Variants in RABGGTA observed in about 807,000 individuals in gnomAD.
RABGGTA encodes the protein Rab geranylgeranyltransferase subunit alpha.
RABGGTA carries 69 observed loss-of-function variants against 83.3 expected under a neutral mutation model. The ratio of observed to expected loss-of-function variants is 0.83; its 90% CI spans 0.68 to 1.01. The LOEUF (loss-of-function observed/expected upper bound fraction) is 1.01. Among genes scored for constraint, RABGGTA ranks in the 50% least tolerant of loss-of-function variants. The pLI, the probability that RABGGTA is intolerant of heterozygous loss-of-function variation, is 0.00. For missense variants in RABGGTA, 681 were observed against 712.7 expected, an observed-to-expected ratio of 0.96 and a Z score of 0.51; for synonymous variants, 310 against 299.8, an observed-to-expected ratio of 1.03 and a Z score of -0.35.
chr14:24,270,882 C>T lies in RABGGTA; in HGVS notation c.69G>A (p.Gln23=). The change falls in exon 3 of 17, where the codon CAG becomes CAA. Residue 23 remains glutamine (Q), a synonymous_variant. Coordinates refer to ENST00000216840, the MANE Select transcript of RABGGTA (RefSeq NM_182836.3). ...QAEAKRLERE[Q]KLKLYQSATQ... is the part of the protein sequence containing the mutation. ...TGGCTGACTGGTATAGCTTCAGCTT[C>T]TGCTCTCGCTCTAGCCTTTTGGCCT... The T allele has an allele frequency of 6.2e-7, 1 of 1,614,046 alleles. No individual in the cohort carries two copies. Among genetic ancestry groups the T allele is most frequent in the African/African-American group, 1.3e-5 (1 of 75,074 alleles).
chr14:24,268,604 C>T lies in RABGGTA; in HGVS notation c.916G>A (p.Ala306Thr). The change falls in exon 10 of 17, where the codon GCT (alanine) becomes ACT (threonine). Residue 306 changes from alanine to threonine, a missense_variant. By Grantham distance (58) the Ala-to-Thr change is moderately conservative. This residue lies in a region of RABGGTA where 421 missense variants were observed against 418.5 expected (regional missense o/e 1.01). Transcript: ENST00000216840. ...GGCAACTGGTCGTTGAGGGAGGCAG[C>T]AGGCAGGTCACAGAGCTGGGAGTAC... ...PSHVWLCDLP[A>T]ASLNDQLPQH... 6.2e-7 allele frequency: 1 copy of T among 1,613,946 alleles called. No individual in the cohort carries two copies. The highest frequency in any genetic ancestry group is 8.5e-7 in the Non-Finnish European group (1 of 1,179,856).
At chr14:24,266,912 A>G (rs376258935) in intron 14 of RABGGTA, 23 bp from the exon 15 acceptor site, 1 of 1,565,678 alleles carries the variant, frequency 6.4e-7, no homozygotes, top group Admixed American at 1.7e-5. Context: ...GGGAGGAAGG[A>G]GGTGATGGGC....
intron 15 of RABGGTA, 51 bp downstream of exon 15, chr14:24,266,725 G>A: frequency 1.3e-6 from 2 of 1,504,326 alleles, no homozygotes; most frequent in Non-Finnish European, 1.8e-6. Context: ...CTGAGGGAGA[G>A]GAAGAGGAAA....
At position 24,266,793 on chromosome 14, in the gene RABGGTA, C is replaced by T; in HGVS notation, c.1450G>A (p.Ala484Thr). The change falls in exon 15 of 17, where the codon GCC becomes ACC. Residue 484 changes from alanine to threonine, a missense_variant. Transcript: ENST00000216840. Reference sequence around the variant, plus strand: ...TACTTTACCTCAAGGCAGCGCAGGGCAGCCAGTGCAGGTGGCAGGGTTCGG... The same window carrying T: ...TACTTTACCTCAAGGCAGCGCAGGGTAGCCAGTGCAGGTGGCAGGGTTCGG... ...RLRTLPPALAALRCLEVLQAS... is the reference protein window; with the variant it reads ...RLRTLPPALATLRCLEVLQAS... 6.2e-7 allele frequency: 1 copy of T among 1,613,638 alleles called. No individual in the cohort carries two copies. The highest frequency in any genetic ancestry group is 8.5e-7 in the Non-Finnish European group (1 of 1,179,576).
chr14:24,270,296 G>A, intron 4 of RABGGTA, 38 bp downstream of exon 4: 1 of 1,609,862 alleles, frequency 6.2e-7, no homozygotes, highest in Non-Finnish European at 8.5e-7. Context: ...CAGGCGCAGG[G>A]CCAGGGCAGT....
chr14:24,269,405 A>T, intron 6 of RABGGTA, 86 bp downstream of exon 6: 1 of 1,434,874 alleles, frequency 7.0e-7, no homozygotes, highest in Non-Finnish European at 9.7e-7. Context: ...AATAAACCTG[A>T]GTGACAGGTT....
chr14:24,266,507 G>C lies in RABGGTA; in HGVS notation c.1478C>G (p.Ala493Gly). 6.2e-7 allele frequency: 1 copy of C among 1,613,932 alleles called. No individual in the cohort carries two copies. Among genetic ancestry groups the C allele is most frequent in the Non-Finnish European group, 8.5e-7 (1 of 1,179,860 alleles). Residue 493 changes from alanine to glycine, a missense_variant, in exon 16 of 17, where the codon GCC (alanine) becomes GGC (glycine). By Grantham distance (60) the Ala-to-Gly change is moderately conservative. Around this residue, in one of 5 missense-constraint regions of RABGGTA, gnomAD observed 421 missense variants for 418.5 expected, o/e 1.01. Coordinates refer to ENST00000216840, the MANE Select transcript of RABGGTA (RefSeq NM_182836.3). ...AALRCLEVLQ[A>G]SDNAIESLDG... is the part of the protein sequence containing the mutation. Reference sequence around the variant, plus strand: ...CAGGGACTCTATGGCATTATCACTGGCCTGCAGCACCTGGGGGCAGGGAGG... The same window carrying C: ...CAGGGACTCTATGGCATTATCACTGCCCTGCAGCACCTGGGGGCAGGGAGG...
chr14:24,271,261 C>G (rs1029524190), intron 1 of RABGGTA, 92 bp from the exon 2 acceptor site: 9 of 1,090,390 alleles, frequency 8.3e-6, no homozygotes, highest in Non-Finnish European at 1.2e-5. Flanking sequence ...GGGCAGAGAC[C>G]CCCAGAGTGT....
At chr14:24,265,969 A>G (rs1264678051) in intron 16 of RABGGTA, among the ~76,000 whole-genome samples, 1 of 152,108 alleles carries the variant, frequency 6.6e-6, no homozygotes, top group Non-Finnish European at 1.5e-5. Context: ...CACCCCACGC[A>G]AGCTGGTGTA....
rs535682543 is a variant in RABGGTA at position 24,265,850 on chromosome 14, T to C, written c.1556-87A>G. The C allele has an allele frequency of 6.8e-5, 100 of 1,467,120 alleles. 2 individuals are homozygous for C. In the South Asian group the frequency reaches 1.3e-3, roughly 19 times the overall value. 90.9% of individuals were successfully genotyped at this position (1,467,120 alleles called of 1,614,324 possible). A position where few individuals can be genotyped will look rare whatever the true frequency, so the allele number is the denominator to read the frequency against. On this transcript the variant is annotated intron_variant, in intron 16 of 16. Transcript: ENST00000216840. ...CCCTCAAGAGCTGGGGACTGCTGCC[T>C]GGAAGTCTGTTTGATGGGCATCTCA... is the stretch of plus-strand genomic sequence containing the variant.
Position 24,267,913 on chromosome 14 carries a change from AG to A in RABGGTA, c.1192del (p.Leu398CysfsTer56), listed in dbSNP as rs747920468. 3 of 1,613,772 alleles carry A rather than the reference AG, an allele frequency of 1.9e-6. No individual in the cohort carries two copies. In the South Asian group the frequency reaches 3.3e-5, roughly 18 times the overall value. ...IILLMRALDP[L>X]LYEKETLQYF... ...CTGCAGGGTCTCCTTCTCATACAGC[AG>A]GGGGTCCAGTGCCCGCATCAGCAGG... is the stretch of plus-strand genomic sequence containing the variant. On this transcript the variant is annotated frameshift_variant, in exon 13 of 17. Coordinates refer to ENST00000216840, the MANE Select transcript of RABGGTA (RefSeq NM_182836.3). LOFTEE classifies it high-confidence loss of function.
intron 9 of RABGGTA, 33 bp downstream of exon 9, chr14:24,268,692 A>AC (rs2040904549): frequency 6.2e-7 from 1 of 1,605,362 alleles, no homozygotes; most frequent in African/African-American, 1.3e-5. Flanking sequence ...CCTGCCCCAG[A>AC]CCCCAACTTC....
rs1025326786 is a variant in RABGGTA at position 24,269,008 on chromosome 14, T to A, written c.716-15A>T. The stretch of plus-strand genomic sequence containing the variant: ...CTGGGGGTCAGCTGCGGGGAGACAG[T>A]GTCAGATTTCTTTAAACCCTCTCCC... On this transcript the variant is annotated splice_polypyrimidine_tract_variant and intron_variant, in intron 7 of 16. Coordinates refer to ENST00000216840, the MANE Select transcript of RABGGTA (RefSeq NM_182836.3). The A allele has an allele frequency of 3.6e-5, 57 of 1,579,126 alleles. No homozygotes were observed. Among genetic ancestry groups the A allele is most frequent in the Non-Finnish European group, 4.5e-5 (52 of 1,161,130 alleles).
Position 24,270,439 on chromosome 14 carries a change from T to A in RABGGTA, c.134A>T (p.Asp45Val), listed in dbSNP as rs1371365087. The change falls in exon 4 of 17, where the codon GAT becomes GTT. Residue 45 changes from aspartate to valine, a missense_variant. Transcript: ENST00000216840. Reference protein sequence around the residue: ...VFQKRQAGELDESVLELTSQI... With the variant: ...VFQKRQAGELVESVLELTSQI... ...GCTTGTCAGTTCCAGCACGGACTCA[T>A]CCAGCTCACCAGCCTGGCGCTAAGA... 8 of 1,613,922 alleles carry A rather than the reference T, an allele frequency of 5.0e-6. No homozygotes were observed. Among genetic ancestry groups the A allele is most frequent in the African/African-American group, 4.0e-5 (3 of 74,932 alleles).
Position 24,268,934 on chromosome 14 carries a change from C to A in RABGGTA, c.775G>T (p.Val259Phe). The A allele has an allele frequency of 6.3e-7, 1 of 1,587,334 alleles. No homozygotes were observed. ...HVSRDEACLT[V>F]SFSRPLLVGS... The stretch of plus-strand genomic sequence containing the variant: ...ACTAAGAGGGGCCGAGAGAAGGAGA[C>A]AGTCAGACAGGCCTCGTCCCGGCTC... Residue 259 changes from valine (V) to phenylalanine (F), a missense_variant, in exon 8 of 17, where the codon GTC becomes TTC. Around this residue, in one of 5 missense-constraint regions of RABGGTA, gnomAD observed 421 missense variants for 418.5 expected, o/e 1.01. Transcript: ENST00000216840.
Position 24,266,837 on chromosome 14 carries a change from T to A in RABGGTA, c.1406A>T (p.Asp469Val). 1 of 1,613,786 alleles carries A rather than the reference T, an allele frequency of 6.2e-7. No homozygotes were observed. The highest frequency in any genetic ancestry group is 8.5e-7 in the Non-Finnish European group (1 of 1,179,814). ...LEQLLLVTHL[D>V]LSHNRLRTLP... ...GGTTCGGAGGCGATTGTGTGACAAG[T>A]CAAGATGGGTGACCAAGAGCAGCTG... Residue 469 changes from aspartate (D) to valine (V), a missense_variant, in exon 15 of 17, where the codon GAC becomes GTC. Transcript: ENST00000216840.
intron 12 of RABGGTA, 50 bp downstream of exon 12, chr14:24,268,060 G>C: frequency 6.2e-7 from 1 of 1,607,486 alleles, no homozygotes; most frequent in Non-Finnish European, 8.5e-7. Context: ...ACTGGAAAGG[G>C]GTTTCCTCAG....
rs370699950 is a variant in RABGGTA, at chr14:24,271,524, G to A, written c.-92C>T. On this transcript the variant is annotated 5_prime_UTR_variant, in exon 1 of 17. Coordinates refer to ENST00000216840, the MANE Select transcript of RABGGTA (RefSeq NM_182836.3). Reference sequence around the variant, plus strand: ...GAGGCGCGGGGGACGCGGAGCTGCGGCGCCCGCCACAGAGCCCAGGCGCTG... The same window carrying A: ...GAGGCGCGGGGGACGCGGAGCTGCGACGCCCGCCACAGAGCCCAGGCGCTG... 1.1e-4 allele frequency: 18 copies of A among 170,106 alleles called. No homozygotes were observed. The highest frequency in any genetic ancestry group is 4.0e-4 in the African/African-American group (17 of 42,268). 10.5% of individuals were successfully genotyped at this position (170,106 alleles called of 1,614,324 possible).
rs775731561 is a variant in RABGGTA at position 24,268,950 on chromosome 14, G to A, written c.759C>T (p.Asp253=). Residue 253 remains aspartate (D), a synonymous_variant, in exon 8 of 17, where the codon GAC becomes GAT. Transcript: ENST00000216840. ...DALRCLHVSR[D]EACLTVSFSR... ...AGAAGGAGACAGTCAGACAGGCCTC[G>A]TCCCGGCTCACATGCAGGCAGCGCA... 5.7e-6 allele frequency: 9 copies of A among 1,588,348 alleles called. No homozygotes were observed. Among genetic ancestry groups the A allele is most frequent in the East Asian group, 4.6e-5 (2 of 43,886 alleles).
Sources: allele counts gnomAD v4.1 joint callset (sites outside exome capture counted in the v4.1 genomes callset), GRCh38; gene constraint gnomAD v4.1.1; regional missense constraint gnomAD v4.1.1; transcripts MANE v1.5; gene names NCBI Gene and HGNC (gene_info 2026-07-23, HGNC 2026-07-21).